SFTPD: variants seen among roughly 807,000 people sequenced by gnomAD.
SFTPD encodes the protein pulmonary surfactant-associated protein D.
Under a neutral mutation model 34.6 loss-of-function variants are expected in SFTPD, and 18 were observed. The observed-to-expected ratio is 0.52, with a 90% CI of 0.36 to 0.77. SFTPD has a LOEUF of 0.77. Among genes scored for constraint, SFTPD ranks in the 30% least tolerant of loss-of-function variants. The pLI is 0.00. For synonymous variants in SFTPD, 155 were observed against 180.9 expected (o/e 0.86, Z 1.15); for missense variants, 433 against 468.9 (o/e 0.92, Z 0.71).
chr10:79,948,030 T>G (rs1269242234), intron 1 of SFTPD, among the ~76,000 whole-genome samples: 8 of 152,206 alleles, frequency 5.3e-5, no homozygotes, highest in East Asian at 3.9e-4. Context: ...GAGGAGTGCC[T>G]TCTTCTTTGA....
intron 2 of SFTPD, among the ~76,000 whole-genome samples, chr10:79,944,328 T>C (rs972745052): frequency 2.0e-5 from 3 of 152,246 alleles, no homozygotes; most frequent in South Asian, 2.1e-4. Flanking sequence ...ACATATGATA[T>C]GTTAGATATA....
chr10:79,965,380 C>A (rs1842797490), intron 1 of SFTPD, among the ~76,000 whole-genome samples: 1 of 151,942 alleles, frequency 6.6e-6, no homozygotes, highest in African/African-American at 2.4e-5. Context: ...CACCCCTTAC[C>A]ACAAAATCTT....
intron 1 of SFTPD, among the ~76,000 whole-genome samples, chr10:79,974,765 T>C (rs1273713087): frequency 1.3e-5 from 2 of 152,212 alleles, no homozygotes; most frequent in Non-Finnish European, 2.9e-5. Context: ...GGAGGAGTCT[T>C]TTCTTTGGCA....
At position 79,941,642 on chromosome 10, in the gene SFTPD, C is replaced by A. The variant is rs983696626; in HGVS notation, c.551-128G>T. 5 of 722,158 alleles carry A rather than the reference C, an allele frequency of 6.9e-6. No homozygotes were observed. In the East Asian group the frequency reaches 1.0e-4, roughly 15 times the overall value. The allele number at this position is 722,158 out of a possible 1,614,324, so 44.7% of individuals were successfully genotyped here. On this transcript the variant is annotated intron_variant, in intron 5 of 7. Coordinates refer to ENST00000372292, the MANE Select transcript of SFTPD (RefSeq NM_003019.5). ...GAAATAGACAGATGGTCCCCAGTAC[C>A]CAGCCATGCAGCTCCCTGTACACTG... is the stretch of plus-strand genomic sequence containing the variant.
At chr10:79,977,957 A>C (rs1393048552) in intron 1 of SFTPD, among the ~76,000 whole-genome samples, 1 of 152,224 alleles carries the variant, frequency 6.6e-6, no homozygotes, top group African/African-American at 2.4e-5. Context: ...TAAGCAGTGC[A>C]ATCTTTGTCT....
At chr10:79,945,758 G>A (rs1842658494) in intron 2 of SFTPD, among the ~76,000 whole-genome samples, 1 of 152,110 alleles carries the variant, frequency 6.6e-6, no homozygotes, top group South Asian at 2.1e-4. Context: ...AAAAAAAACA[G>A]ACTCAGTGAC....
intron 1 of SFTPD, among the ~76,000 whole-genome samples, chr10:79,973,507 A>G (rs1458655254): frequency 1.3e-5 from 2 of 151,262 alleles, no homozygotes; most frequent in African/African-American, 4.9e-5. Flanking sequence ...AATCCCAGCT[A>G]CTCAGGAGGC....
chr10:79,961,375 C>G (rs10887252), intron 1 of SFTPD, among the ~76,000 whole-genome samples: 22,243 of 150,130 alleles, frequency 0.15, 2,061 homozygotes, highest in East Asian at 0.42. Context: ...TAAAATGGGA[C>G]AAAATTTTTG....
intron 1 of SFTPD, among the ~76,000 whole-genome samples, chr10:79,947,947 C>T (rs190934415): frequency 1.6e-3 from 237 of 152,330 alleles, no homozygotes; most frequent in Middle Eastern, 3.4e-3. Context: ...AGGAACAAAG[C>T]CAGAGGGACT....
intron 5 of SFTPD, 47 bp from the exon 6 acceptor site, chr10:79,941,561 T>C (rs1404427976): frequency 8.8e-6 from 13 of 1,472,672 alleles, no homozygotes; most frequent in Non-Finnish European, 1.2e-5. Context: ...ATTTTATTTT[T>C]TTTGTTTTTA....
intron 1 of SFTPD, among the ~76,000 whole-genome samples, chr10:79,966,826 T>G (rs1842805457): frequency 6.8e-6 from 1 of 146,676 alleles, no homozygotes; most frequent in South Asian, 2.2e-4. Flanking sequence ...CCCAGCACCA[T>G]TTATTAAATA....
At chr10:79,941,686 C>A (rs1842612980) in intron 5 of SFTPD, among the ~76,000 whole-genome samples, 172 bp from the exon 6 acceptor site, 1 of 152,186 alleles carries the variant, frequency 6.6e-6, no homozygotes, top group African/African-American at 2.4e-5. Context: ...TGTCACCCAG[C>A]AATCAACCCC....
chr10:79,939,746 G>C (rs1464520776), intron 7 of SFTPD, among the ~76,000 whole-genome samples: 3 of 152,214 alleles, frequency 2.0e-5, no homozygotes, highest in Non-Finnish European at 4.4e-5. Flanking sequence ...CCAAACCTGT[G>C]TTGCACCCAG....
intron 1 of SFTPD, chr10:79,968,168 C>T (rs1842814232): frequency 6.6e-6 from 1 of 151,958 alleles, no homozygotes; most frequent in Admixed American, 6.6e-5. Flanking sequence ...TATGATTTCC[C>T]TTTGTTGGGA....
chr10:79,946,054 G>C (rs919238564), intron 2 of SFTPD, among the ~76,000 whole-genome samples: 2 of 148,656 alleles, frequency 1.3e-5, no homozygotes, highest in African/African-American at 5.1e-5. Flanking sequence ...GAGCCATGGA[G>C]CCCCATTTTT....
Position 79,941,517 on chromosome 10 carries a change from G to A in SFTPD, c.551-3C>T, listed in dbSNP as rs759028331. On this transcript the variant is annotated splice_polypyrimidine_tract_variant and splice_region_variant and intron_variant, in intron 5 of 7. Coordinates refer to ENST00000372292, the MANE Select transcript of SFTPD (RefSeq NM_003019.5). ...GGGACCCATGGCTCCAGCAGACCCTGGGGTAAAAGAAGAACTGGGTGAGCT... is the reference window on the plus strand; with the variant it reads ...GGGACCCATGGCTCCAGCAGACCCTAGGGTAAAAGAAGAACTGGGTGAGCT... 5.0e-6 allele frequency: 8 copies of A among 1,587,792 alleles called. No homozygotes were observed. Among genetic ancestry groups the A allele is most frequent in the African/African-American group, 2.7e-5 (2 of 73,158 alleles).
rs769758986 is a variant in SFTPD, at chr10:79,937,908, C to T, written c.1072G>A (p.Gly358Ser). The part of the protein sequence containing the change: ...SEDCVEIFTN[G>S]KWNDRACGEK... ...CCACAAGCCCTGTCATTCCACTTGC[C>T]ATTGGTGAAGATCTCCACACAGTCC... Residue 358 changes from glycine (G) to serine (S), a missense_variant, in exon 8 of 8, where the codon GGC becomes AGC. Gly to Ser is a moderately conservative substitution (Grantham distance 56). Transcript: ENST00000372292. The T allele has an allele frequency of 6.3e-7, 1 of 1,588,640 alleles. No homozygotes were observed. The highest frequency in any genetic ancestry group is 8.6e-7 in the Non-Finnish European group (1 of 1,164,076).
chr10:79,955,524 A>G (rs76712097), intron 1 of SFTPD, among the ~76,000 whole-genome samples: 7,935 of 152,246 alleles, frequency 0.052, 292 homozygotes, highest in East Asian at 0.15. Flanking sequence ...TTGATAGTCT[A>G]AACCTGTAAT....
chr10:79,970,189 T>G (rs1173595859), intron 1 of SFTPD: 1 of 152,238 alleles, frequency 6.6e-6, no homozygotes, highest in Non-Finnish European at 1.5e-5. Context: ...TGGCTGAGAA[T>G]GCATGAATTT....
Sources: allele counts gnomAD v4.1 joint callset (sites outside exome capture counted in the v4.1 genomes callset), GRCh38; gene constraint gnomAD v4.1.1; transcripts MANE v1.5; gene names NCBI Gene and HGNC (gene_info 2026-07-23, HGNC 2026-07-21).